IFT88: variants seen among roughly 807,000 people sequenced by gnomAD.
The protein encoded by IFT88 is intraflagellar transport protein 88 homolog.
IFT88 carries 74 observed loss-of-function variants against 119.5 expected under a neutral mutation model. That is an observed-to-expected ratio of 0.62 (90% CI 0.51 to 0.75). IFT88 has a LOEUF of 0.75. Among genes scored for constraint, IFT88 ranks in the 30% least tolerant of loss-of-function variants. IFT88 has a pLI of 0.00. For synonymous variants in IFT88, 279 were observed against 316.7 expected (o/e 0.88, Z 1.26); for missense variants, 961 against 977.7 (o/e 0.98, Z 0.23).
chr13:20,633,854 T>C (rs1401558710), intron 16 of IFT88, among the ~76,000 whole-genome samples: 1 of 152,198 alleles, frequency 6.6e-6, no homozygotes, highest in Non-Finnish European at 1.5e-5. Context: ...ATCTGTTTTC[T>C]CTTGCTGTGT....
chr13:20,589,755 T>A lies in IFT88; in HGVS notation c.154-56T>A, dbSNP rs557313418. 191 of 1,018,200 alleles carry A rather than the reference T, an allele frequency of 1.9e-4. 1 individual carries two copies. In the African/African-American group the frequency reaches 2.8e-3, roughly 15 times the overall value. 63.1% of individuals were successfully genotyped at this position (1,018,200 alleles called of 1,614,324 possible). A position where few individuals can be genotyped will look rare whatever the true frequency, so the allele number is the denominator to read the frequency against. ...TATATTTTCTATTTCTTTTCCAGTT[T>A]TCTATTATATAGCTCAGTCTGAATC... On this transcript the variant is annotated intron_variant, in intron 3 of 25. Coordinates refer to ENST00000351808, the MANE Select transcript of IFT88 (RefSeq NM_006531.5).
chr13:20,638,305 A>G, intron 16 of IFT88, 27 bp from the exon 17 acceptor site: 1 of 1,230,694 alleles, frequency 8.1e-7, no homozygotes, highest in Non-Finnish European at 1.1e-6. Flanking sequence ...ATGAAATTCA[A>G]ATAATTTGTA....
At chr13:20,618,833 T>C (rs1444941750) in intron 14 of IFT88, among the ~76,000 whole-genome samples, 1 of 149,348 alleles carries the variant, frequency 6.7e-6, no homozygotes, top group African/African-American at 2.5e-5. Context: ...TTAACTTCTT[T>C]GTATATGATT....
chr13:20,628,904 G>A (rs1174625099), intron 15 of IFT88, among the ~76,000 whole-genome samples: 3 of 152,066 alleles, frequency 2.0e-5, no homozygotes, highest in African/African-American at 7.2e-5. Flanking sequence ...GAGTTACAAT[G>A]TATATATCAA....
chr13:20,577,963 C>T (rs1298562131), intron 2 of IFT88, among the ~76,000 whole-genome samples: 2 of 150,972 alleles, frequency 1.3e-5, no homozygotes, highest in Non-Finnish European at 2.9e-5. Flanking sequence ...TAAAATTCAG[C>T]AGTGAAGCCA....
intron 1 of IFT88, among the ~76,000 whole-genome samples, chr13:20,572,648 A>G (rs2036603872): frequency 6.6e-6 from 1 of 152,224 alleles, no homozygotes; most frequent in Non-Finnish European, 1.5e-5. Flanking sequence ...AAAATTTACA[A>G]AGCAGAAATC....
intron 24 of IFT88, among the ~76,000 whole-genome samples, chr13:20,689,529 A>G (rs965673782): frequency 1.2e-4 from 18 of 152,168 alleles, no homozygotes; most frequent in Non-Finnish European, 4.4e-5. Flanking sequence ...TTATGTACCC[A>G]TGAGTCAAAG....
At chr13:20,621,361 C>T (rs566047690) in intron 14 of IFT88, among the ~76,000 whole-genome samples, 2 of 152,084 alleles carry the variant, frequency 1.3e-5, no homozygotes, top group East Asian at 3.9e-4. Flanking sequence ...GCCACCATGC[C>T]CGGCCGAGTT....
At chr13:20,616,339 T>C (rs1050552972) in intron 14 of IFT88, among the ~76,000 whole-genome samples, 5 of 152,208 alleles carry the variant, frequency 3.3e-5, no homozygotes, top group African/African-American at 7.2e-5. Flanking sequence ...CCAAAGCAAC[T>C]TCCAGTCCTG....
chr13:20,674,651 A>G (rs2056378940), intron 24 of IFT88, among the ~76,000 whole-genome samples: 1 of 149,824 alleles, frequency 6.7e-6, no homozygotes, highest in Non-Finnish European at 1.5e-5. Context: ...ACTTTATGGT[A>G]TCTTTTATAA....
At position 20,651,789 on chromosome 13, in the gene IFT88, G is replaced by A. The variant is rs377551506; in HGVS notation, c.1950-2087G>A. ...TATAGGAAAAAAAATAGTATATATAGGGTTCAGTAGTATTTGTAGTTTCAG... is the reference window on the plus strand; with the variant it reads ...TATAGGAAAAAAAATAGTATATATAAGGTTCAGTAGTATTTGTAGTTTCAG... On this transcript the variant is annotated intron_variant, in intron 20 of 25. Coordinates refer to ENST00000351808, the MANE Select transcript of IFT88 (RefSeq NM_006531.5). Among the ~76,000 whole-genome samples the A allele has an allele frequency of 2.3e-3, 357 of 152,174 alleles. 1 individual carries two copies. Among genetic ancestry groups the A allele is most frequent in the South Asian group, 0.017 (82 of 4,828 alleles).
intron 14 of IFT88, among the ~76,000 whole-genome samples, chr13:20,617,480 A>G (rs2139705414): frequency 6.6e-6 from 1 of 152,328 alleles, no homozygotes; most frequent in East Asian, 1.9e-4. Context: ...ATCCAGTTTA[A>G]TCAGGAGTTT....
chr13:20,585,028 C>T (rs1391567010), intron 3 of IFT88, among the ~76,000 whole-genome samples: 1 of 152,232 alleles, frequency 6.6e-6, no homozygotes, highest in Non-Finnish European at 1.5e-5. Flanking sequence ...TGTCCTTCTG[C>T]TGTTATCTTC....
At chr13:20,591,898 A>T (rs74839774) in intron 6 of IFT88, among the ~76,000 whole-genome samples, 1,875 of 152,334 alleles carry the variant, frequency 0.012, 33 homozygotes, top group Non-Finnish European at 0.014. Context: ...AATTTGTCAA[A>T]ATGCATTGAA....
At chr13:20,604,947 C>A in intron 12 of IFT88, 88 bp from the exon 13 acceptor site, 1 of 650,204 alleles carries the variant, frequency 1.5e-6, no homozygotes. Flanking sequence ...TAGAGTGAGG[C>A]TGTATCTCAA....
At chr13:20,666,543 C>T (rs2054717135) in intron 23 of IFT88, among the ~76,000 whole-genome samples, 1 of 152,192 alleles carries the variant, frequency 6.6e-6, no homozygotes, top group African/African-American at 2.4e-5. Flanking sequence ...TTTATGGTCA[C>T]AGATTCATAA....
At chr13:20,684,635 G>A (rs944374965) in intron 24 of IFT88, among the ~76,000 whole-genome samples, 24 of 152,222 alleles carry the variant, frequency 1.6e-4, no homozygotes, top group African/African-American at 5.5e-4. Flanking sequence ...CTGAAACCAG[G>A]GGCAGTATTT....
chr13:20,679,494 A>G (rs1455775204), intron 24 of IFT88, among the ~76,000 whole-genome samples: 1 of 152,200 alleles, frequency 6.6e-6, no homozygotes, highest in African/African-American at 2.4e-5. Context: ...GAGGCTTCCC[A>G]AGGATGGGAA....
At chr13:20,668,502 CTACAGCTATTACAATGG>C (rs1672077618) in intron 23 of IFT88, among the ~76,000 whole-genome samples, 1 of 152,142 alleles carries the variant, frequency 6.6e-6, no homozygotes, top group African/African-American at 2.4e-5. Context: ...GAAATCCTTG[CTACAGCTATTACAATGG>C]TACAGCTATT....
Sources: allele counts gnomAD v4.1 joint callset (sites outside exome capture counted in the v4.1 genomes callset), GRCh38; gene constraint gnomAD v4.1.1; transcripts MANE v1.5; gene names NCBI Gene and HGNC (gene_info 2026-07-23, HGNC 2026-07-21).